Variants in LRRC4C observed in about 807,000 individuals in gnomAD.
LRRC4C encodes leucine rich repeat containing 4C.
LRRC4C carries 5 observed loss-of-function variants against 33.6 expected under a neutral mutation model. The ratio of observed to expected loss-of-function variants is 0.15; its 90% CI spans 0.08 to 0.31. The LOEUF is 0.31. Among genes scored for constraint, LRRC4C ranks in the 10% least tolerant of loss-of-function variants. The pLI is 1.00. For missense variants in LRRC4C, 560 were observed against 796.7 expected (o/e 0.70, Z 3.58); for synonymous variants, 329 against 302.0 (o/e 1.09, Z -0.93).
At chr11:41,090,738 T>G (rs535842940) in intron 1 of LRRC4C, among the ~76,000 whole-genome samples, 2 of 152,198 alleles carry the variant, frequency 1.3e-5, no homozygotes, top group African/African-American at 4.8e-5. Flanking sequence ...ATGATGTTCC[T>G]GCGATAGTGA....
At chr11:40,983,187 C>T (rs1013034144) in intron 1 of LRRC4C, among the ~76,000 whole-genome samples, 10 of 152,046 alleles carry the variant, frequency 6.6e-5, no homozygotes, top group African/African-American at 2.4e-4. Context: ...TGGGTATATA[C>T]CCAGTAATAA....
chr11:40,706,100 T>C (rs532379859), intron 2 of LRRC4C, among the ~76,000 whole-genome samples: 28 of 152,220 alleles, frequency 1.8e-4, no homozygotes, highest in Non-Finnish European at 3.2e-4. Flanking sequence ...TTGTAGATTC[T>C]GGATATTAGC....
At chr11:40,618,884 T>C (rs183988439) in intron 3 of LRRC4C, among the ~76,000 whole-genome samples, 2 of 151,878 alleles carry the variant, frequency 1.3e-5, no homozygotes, top group East Asian at 3.9e-4. Flanking sequence ...TTGGGATGTC[T>C]ATTTGTACAT....
At chr11:40,622,641 AT>A (rs1226293133) in intron 3 of LRRC4C, among the ~76,000 whole-genome samples, 1 of 151,896 alleles carries the variant, frequency 6.6e-6, no homozygotes, top group South Asian at 2.1e-4. Flanking sequence ...ATCTTAATGA[AT>A]TAACTTAATA....
chr11:40,144,362 C>G (rs553606411), intron 5 of LRRC4C, among the ~76,000 whole-genome samples: 17 of 152,240 alleles, frequency 1.1e-4, no homozygotes, highest in Non-Finnish European at 2.5e-4. Context: ...TTATTGAGCA[C>G]TGTTCGAAAC....
chr11:41,199,885 G>A (rs1946335132), intron 1 of LRRC4C, among the ~76,000 whole-genome samples: 1 of 152,112 alleles, frequency 6.6e-6, no homozygotes, highest in African/African-American at 2.4e-5. Flanking sequence ...TTTTCAGAAA[G>A]CCCAGATAAA....
In LRRC4C at chr11:40,442,767, C is replaced by T. The variant is rs752295697; in HGVS notation, c.-269-123046G>A. Among the ~76,000 whole-genome samples the T allele has an allele frequency of 6.3e-4, 96 of 152,322 alleles. 1 individual carries two copies. The Middle Eastern group carries it at 0.01, about 16-fold the overall frequency. On this transcript the variant is annotated intron_variant, in intron 3 of 6. Coordinates refer to ENST00000528697, the MANE Select transcript of LRRC4C (RefSeq NM_001258419.2). ...CATTTGTATTCCAGTATCTGTTCCA[C>T]TGATAACTCACTGTACAGCCATTCT... is the stretch of plus-strand genomic sequence containing the variant.
At chr11:40,638,741 C>T (rs926618588) in intron 3 of LRRC4C, among the ~76,000 whole-genome samples, 3 of 148,450 alleles carry the variant, frequency 2.0e-5, no homozygotes, top group African/African-American at 7.4e-5. Context: ...ATAGAAGGTC[C>T]ATAATGAATG....
intron 6 of LRRC4C, among the ~76,000 whole-genome samples, chr11:40,129,664 C>T (rs1856510984): frequency 6.6e-6 from 1 of 152,148 alleles, no homozygotes; most frequent in Non-Finnish European, 1.5e-5. Context: ...CAGCAAATGA[C>T]TTTAAAATGG....
At chr11:41,232,810 T>C (rs1947859021) in intron 1 of LRRC4C, among the ~76,000 whole-genome samples, 2 of 150,388 alleles carry the variant, frequency 1.3e-5, no homozygotes, top group Non-Finnish European at 3.0e-5. Context: ...AAATGCCAAG[T>C]AACACACAGT....
chr11:40,938,507 A>C (rs1213650289), intron 1 of LRRC4C, among the ~76,000 whole-genome samples: 3 of 152,154 alleles, frequency 2.0e-5, no homozygotes, highest in East Asian at 3.9e-4. Context: ...TATTATGGTA[A>C]ATACATTATG....
At chr11:41,142,460 C>T (rs567668827) in intron 1 of LRRC4C, among the ~76,000 whole-genome samples, 1 of 152,136 alleles carries the variant, frequency 6.6e-6, no homozygotes, top group Non-Finnish European at 1.5e-5. Flanking sequence ...GTGATGCTTA[C>T]CTGCTGGCTC....
At chr11:41,435,429 C>A (rs955768021) in intron 1 of LRRC4C, among the ~76,000 whole-genome samples, 1 of 152,156 alleles carries the variant, frequency 6.6e-6, no homozygotes, top group Admixed American at 6.5e-5. Flanking sequence ...TAATCTATTA[C>A]TAAAGAGAAC....
intron 3 of LRRC4C, among the ~76,000 whole-genome samples, chr11:40,507,343 A>C (rs1466755447): frequency 6.6e-6 from 1 of 152,192 alleles, no homozygotes; most frequent in Non-Finnish European, 1.5e-5. Context: ...AGGAAAAGGC[A>C]GCTTACTAAA....
At chr11:40,840,665 C>G (rs1044895946) in intron 2 of LRRC4C, among the ~76,000 whole-genome samples, 4 of 152,092 alleles carry the variant, frequency 2.6e-5, no homozygotes, top group Non-Finnish European at 5.9e-5. Flanking sequence ...GCTCTTTCTT[C>G]TTCTAGGCAA....
intron 2 of LRRC4C, among the ~76,000 whole-genome samples, chr11:40,737,044 T>G (rs1774141026): frequency 6.6e-6 from 1 of 152,156 alleles, no homozygotes; most frequent in East Asian, 1.9e-4. Flanking sequence ...GCCATTGCTT[T>G]TGGTGTTTTA....
chr11:40,719,625 A>G (rs895479313), intron 2 of LRRC4C, among the ~76,000 whole-genome samples: 1 of 152,210 alleles, frequency 6.6e-6, no homozygotes, highest in Non-Finnish European at 1.5e-5. Flanking sequence ...CAGTAATTGC[A>G]GTGAGCAAAA....
intron 1 of LRRC4C, among the ~76,000 whole-genome samples, chr11:41,047,984 A>T (rs1857897749): frequency 6.6e-6 from 1 of 152,150 alleles, no homozygotes; most frequent in Non-Finnish European, 1.5e-5. Flanking sequence ...GCATTTTATC[A>T]ATAGAGCTCT....
chr11:40,865,170 C>A (rs1954291822), intron 2 of LRRC4C, among the ~76,000 whole-genome samples: 1 of 152,014 alleles, frequency 6.6e-6, no homozygotes, highest in Non-Finnish European at 1.5e-5. Context: ...GTGAAACAAG[C>A]CAAGCACAGC....
Sources: allele counts gnomAD v4.1 joint callset (sites outside exome capture counted in the v4.1 genomes callset), GRCh38; gene constraint gnomAD v4.1.1; transcripts MANE v1.5; gene names NCBI Gene and HGNC (gene_info 2026-07-23, HGNC 2026-07-21).